The following SPATA17 variants were observed in gnomAD, a reference collection of about 807,000 sequenced individuals.
SPATA17 encodes the protein spermatogenesis associated 17.
SPATA17 carries 53 observed loss-of-function variants against 62.2 expected under a neutral mutation model. That is an observed-to-expected ratio of 0.85 (90% CI 0.68 to 1.07). SPATA17 has a LOEUF of 1.07. SPATA17 is among the 50% of genes least tolerant of loss of function. The pLI is 0.00. For synonymous variants in SPATA17, 146 were observed against 146.8 expected (o/e 0.99, Z 0.04); for missense variants, 466 against 425.5 (o/e 1.10, Z -0.84).
chr1:217,806,875 G>T (rs931034366), intron 9 of SPATA17, among the ~76,000 whole-genome samples: 1 of 152,116 alleles, frequency 6.6e-6, no homozygotes, highest in Admixed American at 6.5e-5. Flanking sequence ...CATGAGTGGT[G>T]GTGGGGGTGG....
At chr1:217,660,292 A>C (rs1173914036) in intron 3 of SPATA17, among the ~76,000 whole-genome samples, 1 of 152,184 alleles carries the variant, frequency 6.6e-6, no homozygotes, top group Non-Finnish European at 1.5e-5. Flanking sequence ...TCTCACTGAT[A>C]CATTTGTTTA....
intron 6 of SPATA17, among the ~76,000 whole-genome samples, chr1:217,749,073 C>G (rs1672836871): frequency 1.3e-5 from 2 of 151,988 alleles, no homozygotes; most frequent in Non-Finnish European, 2.9e-5. Flanking sequence ...GTATGTGTAT[C>G]TATGTGCCAT....
rs779571239 is a variant in SPATA17 at position 217,792,357 on chromosome 1, A to G, written c.873-9361A>G. Among the ~76,000 whole-genome samples the G allele has an allele frequency of 2.1e-4, 32 of 152,186 alleles. 1 individual carries two copies. The highest frequency in any genetic ancestry group is 9.8e-4 in the Admixed American group (15 of 15,286). ...ATATTGAGGAATTTTATAGAGATATAAAGACCCAAAGAAAAACTGGACTAA... is the reference window on the plus strand; with the variant it reads ...ATATTGAGGAATTTTATAGAGATATGAAGACCCAAAGAAAAACTGGACTAA... On this transcript the variant is annotated intron_variant, in intron 8 of 10. Coordinates refer to ENST00000366933, the MANE Select transcript of SPATA17 (RefSeq NM_138796.4).
intron 3 of SPATA17, among the ~76,000 whole-genome samples, chr1:217,668,203 G>A (rs898724688): frequency 2.4e-4 from 36 of 152,164 alleles, no homozygotes; most frequent in African/African-American, 8.2e-4. Context: ...GTATCTCATT[G>A]CTTTTATTGT....
chr1:217,689,844 G>A (rs1483627023), intron 5 of SPATA17, among the ~76,000 whole-genome samples: 1 of 150,324 alleles, frequency 6.7e-6, no homozygotes, highest in Non-Finnish European at 1.5e-5. Context: ...TTTGATCCTA[G>A]TCAACCCCTG....
At chr1:217,659,082 G>A (rs1670506831) in intron 3 of SPATA17, among the ~76,000 whole-genome samples, 3 of 151,892 alleles carry the variant, frequency 2.0e-5, no homozygotes, top group African/African-American at 4.8e-5. Context: ...AGACTTCAAT[G>A]TCAACTCATT....
At chr1:217,701,788 T>C (rs1671606481) in intron 5 of SPATA17, among the ~76,000 whole-genome samples, 2 of 152,176 alleles carry the variant, frequency 1.3e-5, no homozygotes, top group African/African-American at 2.4e-5. Flanking sequence ...ATTTTCTTTA[T>C]ACTCTTTCGT....
At chr1:217,714,910 G>A (rs1671967530) in intron 5 of SPATA17, among the ~76,000 whole-genome samples, 1 of 152,128 alleles carries the variant, frequency 6.6e-6, no homozygotes, top group African/African-American at 2.4e-5. Context: ...GGAATTAGAG[G>A]ATTTCTAGTA....
chr1:217,785,870 G>A (rs753328187), intron 8 of SPATA17, among the ~76,000 whole-genome samples: 5 of 151,954 alleles, frequency 3.3e-5, no homozygotes, highest in Admixed American at 6.6e-5. Flanking sequence ...AATAGATTAC[G>A]GAAGTTTTTT....
chr1:217,725,821 T>G (rs1672246663), intron 5 of SPATA17, among the ~76,000 whole-genome samples: 1 of 152,178 alleles, frequency 6.6e-6, no homozygotes, highest in African/African-American at 2.4e-5. Flanking sequence ...AAGTTGTATT[T>G]TCATAATTTT....
intron 6 of SPATA17, among the ~76,000 whole-genome samples, chr1:217,750,469 T>A (rs903151570): frequency 6.6e-6 from 1 of 152,118 alleles, no homozygotes; most frequent in Non-Finnish European, 1.5e-5. Context: ...GCAGAAGAAA[T>A]GTATCAGTTG....
At chr1:217,700,982 A>G (rs1671583102) in intron 5 of SPATA17, among the ~76,000 whole-genome samples, 1 of 149,604 alleles carries the variant, frequency 6.7e-6, no homozygotes, top group African/African-American at 2.5e-5. Context: ...TATATTATTT[A>G]TTTATTTTTT....
At chr1:217,816,223 A>G (rs981997447) in intron 9 of SPATA17, among the ~76,000 whole-genome samples, 15 of 152,012 alleles carry the variant, frequency 9.9e-5, no homozygotes, top group Non-Finnish European at 1.9e-4. Flanking sequence ...TTATTAAAAA[A>G]TTTTTAATTG....
intron 1 of SPATA17, among the ~76,000 whole-genome samples, chr1:217,634,253 C>T (rs1047552690): frequency 6.6e-6 from 1 of 152,152 alleles, no homozygotes; most frequent in Non-Finnish European, 1.5e-5. Context: ...CACACAGACC[C>T]GGTTGTGTGG....
chr1:217,729,945 G>T (rs577774202), intron 5 of SPATA17, among the ~76,000 whole-genome samples: 1 of 152,040 alleles, frequency 6.6e-6, no homozygotes, highest in Non-Finnish European at 1.5e-5. Flanking sequence ...TCATTATGTG[G>T]GTATTTCAAT....
At chr1:217,858,959 C>T (rs992456632) in intron 9 of SPATA17, among the ~76,000 whole-genome samples, 5 of 152,008 alleles carry the variant, frequency 3.3e-5, no homozygotes, top group South Asian at 4.2e-4. Flanking sequence ...CCCAGGGAGA[C>T]GGAGTTTGCA....
chr1:217,652,331 A>C (rs1670336159), intron 3 of SPATA17, among the ~76,000 whole-genome samples: 1 of 152,182 alleles, frequency 6.6e-6, no homozygotes, highest in Non-Finnish European at 1.5e-5. Flanking sequence ...TCCTGGGTTC[A>C]AGCGATTCTC....
chr1:217,741,837 C>A, intron 5 of SPATA17, 138 bp from the exon 6 acceptor site: 1 of 791,334 alleles, frequency 1.3e-6, no homozygotes. Context: ...GTAGAAAATG[C>A]AGGTAAGATA....
At chr1:217,653,472 C>A (rs1364452168) in intron 3 of SPATA17, among the ~76,000 whole-genome samples, 3 of 152,024 alleles carry the variant, frequency 2.0e-5, no homozygotes, top group African/African-American at 7.3e-5. Flanking sequence ...TTTGTATTTC[C>A]TTCATATTGT....
Sources: gnomAD v4.1 joint callset for allele counts (sites outside exome capture counted in the v4.1 genomes callset) on GRCh38, gnomAD v4.1.1 for gene constraint, MANE v1.5 for transcripts, NCBI Gene and HGNC (gene_info 2026-07-23, HGNC 2026-07-21) for gene names.